AFF1: variants seen among roughly 807,000 people sequenced by gnomAD.
The protein encoded by AFF1 is AF4/FMR2 family member 1.
Under a neutral mutation model 121.7 loss-of-function variants are expected in AFF1, and 48 were observed. The ratio of observed to expected loss-of-function variants is 0.39; its 90% CI spans 0.31 to 0.50. The LOEUF is 0.50. AFF1 is among the 20% of genes least tolerant of loss of function. The pLI is 0.76. For missense variants in AFF1, 1,523 were observed against 1,511.7 expected (o/e 1.01, Z -0.12); for synonymous variants, 613 against 563.0 (o/e 1.09, Z -1.26).
chr4:87,009,847 GTACTAC>G (rs1726554027), intron 2 of AFF1, among the ~76,000 whole-genome samples: 1 of 152,170 alleles, frequency 6.6e-6, no homozygotes, highest in African/African-American at 2.4e-5. Flanking sequence ...TCTTGACCAT[GTACTAC>G]TACACATTAG....
intron 4 of AFF1, among the ~76,000 whole-genome samples, chr4:87,048,905 A>G (rs769027548): frequency 8.3e-4 from 126 of 152,274 alleles, no homozygotes; most frequent in Non-Finnish European, 1.4e-3. Context: ...CCATTTATTG[A>G]ACATTTTGTG....
At chr4:87,052,278 A>G (rs1202572953) in intron 4 of AFF1, among the ~76,000 whole-genome samples, 1 of 152,104 alleles carries the variant, frequency 6.6e-6, no homozygotes, top group Non-Finnish European at 1.5e-5. Flanking sequence ...AGCTATTGGG[A>G]AAAAATTAAA....
chr4:87,008,239 CATATTT>C (rs1198061596), intron 2 of AFF1, among the ~76,000 whole-genome samples: 2 of 152,136 alleles, frequency 1.3e-5, no homozygotes, highest in Non-Finnish European at 2.9e-5. Flanking sequence ...TTTGGTCTCA[CATATTT>C]AAAGTAGTAG....
In AFF1 at chr4:86,998,098, C is replaced by CA. The variant is rs56741955; in HGVS notation, c.39-48039dup. Among the ~76,000 whole-genome samples, 482 of 91,722 alleles carry CA rather than the reference C, an allele frequency of 5.3e-3. 41 individuals carry two copies. Among genetic ancestry groups the CA allele is most frequent in the African/African-American group, 0.014 (315 of 23,026 alleles). 60.2% of individuals were successfully genotyped at this position (91,722 alleles called of 152,430 possible). A position where few individuals can be genotyped will look rare whatever the true frequency, so the allele number is the denominator to read the frequency against. ...AGGCAATAAGAGCGAAACTCCGTCT[C>CA]AAAAAAAAAAAAAAAAAAAAAAAAA... is the stretch of plus-strand genomic sequence containing the variant. On this transcript the variant is annotated intron_variant, in intron 2 of 20. Transcript: ENST00000395146.
At chr4:87,088,946 T>C (rs969325748) in intron 5 of AFF1, among the ~76,000 whole-genome samples, 9 of 152,104 alleles carry the variant, frequency 5.9e-5, no homozygotes, top group African/African-American at 1.9e-4. Context: ...GGTTTTTCCA[T>C]GTTGGTCAGG....
At chr4:87,085,242 G>T (rs577767790) in intron 5 of AFF1, among the ~76,000 whole-genome samples, 29 of 152,084 alleles carry the variant, frequency 1.9e-4, no homozygotes, top group Middle Eastern at 3.2e-3. Flanking sequence ...TATCAGAGAA[G>T]AATTATATAT....
chr4:87,005,379 CTT>C (rs1287865526), intron 2 of AFF1, among the ~76,000 whole-genome samples: 1 of 152,244 alleles, frequency 6.6e-6, no homozygotes, highest in Non-Finnish European at 1.5e-5. Context: ...TCAGGAAAGT[CTT>C]TAAGTATTGG....
rs374229679 is a variant in AFF1, at chr4:87,136,775, A to T, written c.*1074A>T. The T allele has an allele frequency of 4.4e-6, 1 of 225,038 alleles. No individual in the cohort carries two copies. Among genetic ancestry groups the T allele is most frequent in the African/African-American group, 2.2e-5 (1 of 44,818 alleles). 13.9% of individuals were successfully genotyped at this position (225,038 alleles called of 1,614,324 possible). A position where few individuals can be genotyped will look rare whatever the true frequency, so the allele number is the denominator to read the frequency against. Reference sequence around the variant, plus strand: ...ATGAAATCTGCTTCTTAGAGAGGCTATATTTTTCTGCTACAAATATTTTAT... The same window carrying T: ...ATGAAATCTGCTTCTTAGAGAGGCTTTATTTTTCTGCTACAAATATTTTAT... On this transcript the variant is annotated 3_prime_UTR_variant, in exon 21 of 21. Transcript: ENST00000395146.
At chr4:86,991,481 A>G (rs1425635843) in intron 2 of AFF1, among the ~76,000 whole-genome samples, 1 of 152,064 alleles carries the variant, frequency 6.6e-6, no homozygotes, top group Non-Finnish European at 1.5e-5. Flanking sequence ...GCCAACATAT[A>G]TAGCCTTCTG....
At chr4:87,032,663 T>C (rs1449458286) in intron 2 of AFF1, among the ~76,000 whole-genome samples, 1 of 152,220 alleles carries the variant, frequency 6.6e-6, no homozygotes, top group East Asian at 1.9e-4. Context: ...GTTTAAAATG[T>C]AATTGACAGT....
intron 1 of AFF1, among the ~76,000 whole-genome samples, chr4:86,944,509 ATT>A (rs199887498): frequency 6.6e-6 from 1 of 151,654 alleles, no homozygotes; most frequent in Non-Finnish European, 1.5e-5. Context: ...CGCTTGGCTA[ATT>A]TTTTTTGTAT....
Position 87,105,621 on chromosome 4 carries a change from A to C in AFF1, c.1284-7A>C, listed in dbSNP as rs551553128. 32 of 1,614,198 alleles carry C rather than the reference A, an allele frequency of 2.0e-5. No homozygotes were observed. In the South Asian group the frequency reaches 3.5e-4, roughly 18 times the overall value. On this transcript the variant is annotated splice_region_variant and splice_polypyrimidine_tract_variant and intron_variant, in intron 8 of 20. Coordinates refer to ENST00000395146, the MANE Select transcript of AFF1 (RefSeq NM_001166693.3). ...TTCATTCTTCTCTGTGTCCCTGCCCATTCCAGCATGCTCGAAGACGACCTT... is the reference window on the plus strand; with the variant it reads ...TTCATTCTTCTCTGTGTCCCTGCCCCTTCCAGCATGCTCGAAGACGACCTT...
At chr4:87,058,622 C>T (rs1381790909) in intron 4 of AFF1, among the ~76,000 whole-genome samples, 1 of 152,104 alleles carries the variant, frequency 6.6e-6, no homozygotes, top group Admixed American at 6.5e-5. Flanking sequence ...TAGCTTAAAC[C>T]TTTCCCTTAT....
chr4:87,057,153 C>T (rs1720233056), intron 4 of AFF1, among the ~76,000 whole-genome samples: 1 of 150,286 alleles, frequency 6.7e-6, no homozygotes, highest in South Asian at 2.1e-4. Context: ...AGGCTAAAGG[C>T]TTAGGAAGAG....
intron 2 of AFF1, among the ~76,000 whole-genome samples, chr4:86,956,304 A>AT: frequency 6.6e-6 from 1 of 152,290 alleles, no homozygotes; most frequent in Non-Finnish European, 1.5e-5. Context: ...AAGAGTTTAG[A>AT]TTCAGACTTA....
chr4:87,104,069 C>T (rs551772173), intron 8 of AFF1, among the ~76,000 whole-genome samples: 160 of 152,290 alleles, frequency 1.1e-3, no homozygotes, highest in African/African-American at 3.6e-3. Flanking sequence ...ACGTTGCTAA[C>T]TGACAAGTCC....
In AFF1 at chr4:86,980,947, A is replaced by ACCCCCC. The variant is rs57473395; in HGVS notation, c.38+32380_38+32385dup. 6.7e-4 allele frequency among the ~76,000 whole-genome samples: 69 copies of ACCCCCC among 102,414 alleles called. 4 individuals are homozygous for ACCCCCC. Among genetic ancestry groups the ACCCCCC allele is most frequent in the African/African-American group, 1.3e-3 (36 of 28,706 alleles). The allele number at this position is 102,414 out of a possible 152,430, so 67.2% of individuals were successfully genotyped here. On this transcript the variant is annotated intron_variant, in intron 2 of 20. Coordinates refer to ENST00000395146, the MANE Select transcript of AFF1 (RefSeq NM_001166693.3). Reference sequence around the variant, plus strand: ...CCCAGCACTTTGCGAGGCTTGAGGCACCCCCCCCCTCCACCAAAAAAAAGG... The same window carrying ACCCCCC: ...CCCAGCACTTTGCGAGGCTTGAGGCACCCCCCCCCCCCCCCTCCACCAAAAAAAAGG...
intron 2 of AFF1, chr4:86,950,075 G>C: frequency 6.2e-7 from 1 of 1,614,154 alleles, no homozygotes; most frequent in Non-Finnish European, 8.5e-7. Flanking sequence ...GGCCATCCAC[G>C]CGGCGAAGCC....
At chr4:86,948,676 A>G (rs1411656371) in intron 2 of AFF1, 105 bp downstream of exon 2, 7 of 1,050,736 alleles carry the variant, frequency 6.7e-6, no homozygotes, top group Admixed American at 2.5e-5. Context: ...TTAAGAACTC[A>G]CGGGTGCAAG....
Sources: gnomAD v4.1 joint callset for allele counts (sites outside exome capture counted in the v4.1 genomes callset) on GRCh38, gnomAD v4.1.1 for gene constraint, MANE v1.5 for transcripts, NCBI Gene and HGNC (gene_info 2026-07-23, HGNC 2026-07-21) for gene names.